POTEE: variants seen among roughly 807,000 people sequenced by gnomAD.
The protein encoded by POTEE is POTE ankyrin domain family member E, also known as ANKRD26-like family C member 1A.
Under a neutral mutation model 74.2 loss-of-function variants are expected in POTEE, and 21 were observed. The observed-to-expected ratio is 0.28, with a 90% CI of 0.20 to 0.41. The LOEUF is 0.41. POTEE is among the 10% of genes least tolerant of loss of function. The pLI is 1.00. For synonymous variants in POTEE, 211 were observed against 432.8 expected, an observed-to-expected ratio of 0.49 and a Z score of 6.36; for missense variants, 525 against 1,158.6, an observed-to-expected ratio of 0.45 and a Z score of 7.94.
intron 17 of POTEE, among the ~76,000 whole-genome samples, chr2:131,263,039 G>A (rs1266272641): frequency 2.0e-5 from 3 of 150,856 alleles, no homozygotes; most frequent in African/African-American, 7.3e-5. Flanking sequence ...TCAGAAAAAG[G>A]CTTTTTTAAT....
At chr2:131,212,030 G>T (rs929876978) in intron 2 of POTEE, among the ~76,000 whole-genome samples, 1 of 151,612 alleles carries the variant, frequency 6.6e-6, no homozygotes, top group Non-Finnish European at 1.5e-5. Flanking sequence ...TTTTGCTGCT[G>T]CTTCTATTTC....
intron 9 of POTEE, among the ~76,000 whole-genome samples, chr2:131,233,791 T>G (rs1041195591): frequency 6.6e-6 from 1 of 150,496 alleles, no homozygotes; most frequent in Admixed American, 6.6e-5. Context: ...TAGTGATAAT[T>G]GAATGAGAAA....
chr2:131,212,947 C>T (rs1381480570), intron 2 of POTEE, among the ~76,000 whole-genome samples: 14 of 149,530 alleles, frequency 9.4e-5, no homozygotes, highest in African/African-American at 2.3e-4. Flanking sequence ...AAAAGGAAGT[C>T]GGGAGAATTG....
chr2:131,237,813 T>G (rs1701187704), intron 10 of POTEE, among the ~76,000 whole-genome samples: 1 of 152,284 alleles, frequency 6.6e-6, no homozygotes, highest in African/African-American at 2.4e-5. Flanking sequence ...GTGAGGAAGG[T>G]TTTGGAACAC....
At chr2:131,261,346 T>TC (rs1211895888) in intron 16 of POTEE, among the ~76,000 whole-genome samples, 1 of 98,102 alleles carries the variant, frequency 1.0e-5, no homozygotes, top group African/African-American at 3.8e-5. Context: ...GTCACCATCT[T>TC]CCGTCACCCC....
At chr2:131,220,014 G>A (rs1700568649) in intron 4 of POTEE, among the ~76,000 whole-genome samples, 1 of 150,570 alleles carries the variant, frequency 6.6e-6, no homozygotes, top group African/African-American at 2.4e-5. Context: ...TAAGAATTTA[G>A]CGCTTGATAA....
chr2:131,214,343 T>C (rs1053517490), intron 2 of POTEE, among the ~76,000 whole-genome samples: 4 of 152,220 alleles, frequency 2.6e-5, no homozygotes, highest in African/African-American at 9.6e-5. Context: ...AGAAATGTTA[T>C]GAAGGAAAGA....
Position 131,209,652 on chromosome 2 carries a change from C to G in POTEE, c.-512C>G, listed in dbSNP as rs1410633188. 6.6e-6 allele frequency among the ~76,000 whole-genome samples: 1 copy of G among 152,222 alleles called. No individual in the cohort carries two copies. On this transcript the variant is annotated 5_prime_UTR_variant, in exon 1 of 18. Coordinates refer to ENST00000683005, the MANE Select transcript of POTEE (RefSeq NM_001083538.3). ...TGGTGTCCACAGAGCGGTAGGAGGG[C>G]AACTAGTAGCGGGAGCTTCTCCTGC...
chr2:131,211,317 A>G (rs1573690405), intron 2 of POTEE, among the ~76,000 whole-genome samples, 134 bp downstream of exon 2: 1 of 150,592 alleles, frequency 6.6e-6, no homozygotes, highest in South Asian at 2.1e-4. Flanking sequence ...GGGAAGGGGG[A>G]GTAGGAGCAC....
At position 131,226,916 on chromosome 2, in the gene POTEE, G is replaced by C. The variant is rs549442993; in HGVS notation, c.904G>C (p.Asp302His). The C allele has an allele frequency of 9.3e-6, 15 of 1,611,528 alleles. No individual in the cohort carries two copies. Among genetic ancestry groups the C allele is most frequent in the African/African-American group, 5.3e-5 (4 of 74,828 alleles). Residue 302 changes from aspartate (D) to histidine (H), a missense_variant, in exon 7 of 18, where the codon GAT becomes CAT. Asp to His is a moderately conservative substitution (Grantham distance 81). Transcript: ENST00000683005. The stretch of plus-strand genomic sequence containing the variant: ...GAAAAAAGCGAATTTAAATGCACTG[G>C]ATAGATATGGAAGGTATAGTTCTTT... ...IKKKANLNAL[D>H]RYGRTALILA...
At position 131,218,562 on chromosome 2, in the gene POTEE, A is replaced by G. The variant is rs375574258; in HGVS notation, c.160A>G (p.Met54Val). The G allele has an allele frequency of 5.3e-5, 85 of 1,611,594 alleles. No individual in the cohort carries two copies. Among genetic ancestry groups the G allele is most frequent in the African/African-American group, 8.1e-5 (6 of 73,720 alleles). The change falls in exon 4 of 18, where the codon ATG becomes GTG. Residue 54 changes from methionine to valine, a missense_variant. Coordinates refer to ENST00000683005, the MANE Select transcript of POTEE (RefSeq NM_001083538.3). ...GTSGDHDDSA[M>V]KTLRSKMGKW... is the part of the protein sequence containing the mutation. ...TTCTGGAGACCACGACGACTCTGCTATGAAGACACTCAGGAGCAAGATGGG... is the reference window on the plus strand; with the variant it reads ...TTCTGGAGACCACGACGACTCTGCTGTGAAGACACTCAGGAGCAAGATGGG...
Position 131,263,382 on chromosome 2 carries a change from G to T in POTEE, c.1927G>T (p.Asp643Tyr). Residue 643 changes from aspartate to tyrosine, a missense_variant, in exon 18 of 18, where the codon GAC becomes TAC. Physicochemically the swap from Asp to Tyr is radical, Grantham distance 160. Transcript: ENST00000683005. ...ELSLSCKKEK[D>Y]VLHENSTLRE... ...TTCTCTTAGTTGTAAGAAAGAAAAAGACGTCTTGCATGAAAATAGTACGTT... is the reference window on the plus strand; with the variant it reads ...TTCTCTTAGTTGTAAGAAAGAAAAATACGTCTTGCATGAAAATAGTACGTT... 1.2e-6 allele frequency: 2 copies of T among 1,611,734 alleles called. No individual in the cohort carries two copies. The highest frequency in any genetic ancestry group is 1.7e-6 in the Non-Finnish European group (2 of 1,179,818).
intron 16 of POTEE, among the ~76,000 whole-genome samples, chr2:131,260,197 C>T (rs538213578): frequency 6.7e-6 from 1 of 149,584 alleles, no homozygotes; most frequent in Non-Finnish European, 1.5e-5. Context: ...ATACGAGTAC[C>T]ACGCTGTTTC....
intron 6 of POTEE, 63 bp from the exon 7 acceptor site, chr2:131,226,760 C>T: frequency 6.2e-7 from 1 of 1,607,484 alleles, no homozygotes; most frequent in Admixed American, 1.7e-5. Flanking sequence ...AAAGTTTCCA[C>T]TTTGGTTGAG....
chr2:131,222,218 A>G (rs536299001), intron 4 of POTEE, among the ~76,000 whole-genome samples: 388 of 152,170 alleles, frequency 2.5e-3, no homozygotes, highest in African/African-American at 8.1e-3. Context: ...ATGGAATACT[A>G]TGCAGCCATA....
chr2:131,229,964 G>C (rs1367159172), intron 8 of POTEE, among the ~76,000 whole-genome samples: 2 of 151,734 alleles, frequency 1.3e-5, no homozygotes, highest in African/African-American at 2.4e-5. Context: ...AAAAATAAAA[G>C]TAGACTTTTG....
At chr2:131,231,248 C>A (rs1700945083) in intron 9 of POTEE, among the ~76,000 whole-genome samples, 1 of 149,396 alleles carries the variant, frequency 6.7e-6, no homozygotes, top group Non-Finnish European at 1.5e-5. Context: ...CTCAGATGGG[C>A]AGTTCACAAC....
chr2:131,216,893 G>GATT (rs1223627249), intron 2 of POTEE, among the ~76,000 whole-genome samples: 10 of 151,830 alleles, frequency 6.6e-5, no homozygotes, highest in Non-Finnish European at 1.5e-4. Flanking sequence ...GTAGATGGAT[G>GATT]ATTGCCTAGG....
Position 131,238,178 on chromosome 2 carries a change from G to C in POTEE, c.1198-16G>C, listed in dbSNP as rs1701202620. 6.2e-7 allele frequency: 1 copy of C among 1,606,078 alleles called. No individual in the cohort carries two copies. Among genetic ancestry groups the C allele is most frequent in the South Asian group, 1.1e-5 (1 of 89,890 alleles). ...AACACAACAAGCAAATTAACCTTCTGTTTTTGCCTCTGCAGAAAATGTCTC... is the reference window on the plus strand; with the variant it reads ...AACACAACAAGCAAATTAACCTTCTCTTTTTGCCTCTGCAGAAAATGTCTC... On this transcript the variant is annotated splice_polypyrimidine_tract_variant and intron_variant, in intron 10 of 17. Coordinates refer to ENST00000683005, the MANE Select transcript of POTEE (RefSeq NM_001083538.3).
Sources: gnomAD v4.1 joint callset for allele counts (sites outside exome capture counted in the v4.1 genomes callset) on GRCh38, gnomAD v4.1.1 for gene constraint, MANE v1.5 for transcripts, NCBI Gene and HGNC (gene_info 2026-07-23, HGNC 2026-07-21) for gene names.